AGBL1: variants seen among roughly 807,000 people sequenced by gnomAD.
AGBL1 encodes AGBL carboxypeptidase 1, also known as cytosolic carboxypeptidase 4.
A neutral mutation model predicts 118.9 loss-of-function variants in AGBL1; 130 were observed. The ratio of observed to expected loss-of-function variants is 1.09; its 90% CI spans 0.95 to 1.26. The LOEUF is 1.26. Among genes scored for constraint, AGBL1 ranks in the 50% most tolerant of loss-of-function variants. The pLI, the probability that AGBL1 is intolerant of heterozygous loss-of-function variation, is 0.00. For missense variants in AGBL1, 1,584 were observed against 1,298.1 expected (o/e 1.22, Z -3.38); for synonymous variants, 555 against 478.9 (o/e 1.16, Z -2.08).
chr15:86,754,038 T>A (rs2077897114), intron 22 of AGBL1, among the ~76,000 whole-genome samples: 1 of 152,066 alleles, frequency 6.6e-6, no homozygotes, highest in Non-Finnish European at 1.5e-5. Context: ...GAAACTTGAG[T>A]CAAAGACTTG....
intron 23 of AGBL1, among the ~76,000 whole-genome samples, chr15:86,921,526 C>T (rs2080481743): frequency 6.6e-6 from 1 of 152,192 alleles, no homozygotes; most frequent in Non-Finnish European, 1.5e-5. Context: ...TCAGGTTGCT[C>T]ACTTACTTCT....
chr15:87,012,179 A>G (rs2081566680), intron 24 of AGBL1, among the ~76,000 whole-genome samples: 1 of 141,860 alleles, frequency 7.0e-6, no homozygotes, highest in Non-Finnish European at 1.5e-5. Context: ...TTTTCTTTGT[A>G]TATACAAATT....
intron 17 of AGBL1, among the ~76,000 whole-genome samples, chr15:86,306,420 T>A (rs1362979337): frequency 3.3e-5 from 5 of 152,208 alleles, no homozygotes; most frequent in African/African-American, 4.8e-5. Context: ...AATATTTGTC[T>A]TTCTGTGTCT....
At chr15:86,310,040 C>T (rs974528703) in intron 17 of AGBL1, among the ~76,000 whole-genome samples, 7 of 152,232 alleles carry the variant, frequency 4.6e-5, no homozygotes, top group Admixed American at 6.5e-5. Context: ...AATTTACCAG[C>T]GAAGCCATCA....
At chr15:86,646,431 T>C (rs1241616067) in intron 21 of AGBL1, among the ~76,000 whole-genome samples, 3 of 152,218 alleles carry the variant, frequency 2.0e-5, no homozygotes, top group Non-Finnish European at 4.4e-5. Context: ...CCTCTTCTCA[T>C]AGAAAAGGTT....
intron 23 of AGBL1, among the ~76,000 whole-genome samples, chr15:86,969,137 T>C (rs2141699991): frequency 6.6e-6 from 1 of 152,114 alleles, no homozygotes; most frequent in Admixed American, 6.6e-5. Flanking sequence ...TATTCACTTG[T>C]TCTAGCATCA....
chr15:86,941,632 G>A (rs1420238669), intron 23 of AGBL1, among the ~76,000 whole-genome samples: 1 of 152,196 alleles, frequency 6.6e-6, no homozygotes, highest in East Asian at 1.9e-4. Context: ...AGATCTTGCT[G>A]GAAATAGGCC....
At chr15:86,606,358 G>T (rs76234863) in intron 21 of AGBL1, among the ~76,000 whole-genome samples, 4,069 of 152,120 alleles carry the variant, frequency 0.027, 104 homozygotes, top group East Asian at 0.13. Context: ...AGAGTTTTCT[G>T]CGTGAGATTA....
chr15:86,801,968 A>G (rs2078656337), intron 22 of AGBL1, among the ~76,000 whole-genome samples: 1 of 152,154 alleles, frequency 6.6e-6, no homozygotes, highest in Admixed American at 6.6e-5. Flanking sequence ...CAACTTATGG[A>G]TGCTATTATA....
chr15:86,491,894 G>A (rs1468491905), intron 18 of AGBL1, among the ~76,000 whole-genome samples: 2 of 151,904 alleles, frequency 1.3e-5, no homozygotes, highest in African/African-American at 4.8e-5. Flanking sequence ...GTGAAAGAAT[G>A]GGAGTACAGA....
chr15:86,735,826 G>A (rs926421545), intron 22 of AGBL1, among the ~76,000 whole-genome samples: 3 of 152,066 alleles, frequency 2.0e-5, no homozygotes, highest in East Asian at 1.9e-4. Flanking sequence ...TGTAGCAAGC[G>A]CTCTGTAAAC....
At chr15:86,832,025 T>C (rs2079111568) in intron 22 of AGBL1, among the ~76,000 whole-genome samples, 1 of 152,250 alleles carries the variant, frequency 6.6e-6, no homozygotes, top group Admixed American at 6.5e-5. Flanking sequence ...CTGCCAAGGC[T>C]TGGGGCTTGC....
At chr15:86,191,608 A>G (rs1216583468) in intron 5 of AGBL1, among the ~76,000 whole-genome samples, 2 of 152,050 alleles carry the variant, frequency 1.3e-5, no homozygotes, top group African/African-American at 2.4e-5. Context: ...ATAGAAAGAG[A>G]GAGAATGCCA....
intron 22 of AGBL1, among the ~76,000 whole-genome samples, chr15:86,872,195 G>A (rs553883856): frequency 3.8e-4 from 58 of 152,284 alleles, no homozygotes; most frequent in African/African-American, 1.2e-3. Context: ...AGAGCTTGTC[G>A]CATAAATCAC....
At chr15:86,377,812 T>C (rs895802913) in intron 17 of AGBL1, among the ~76,000 whole-genome samples, 1 of 152,188 alleles carries the variant, frequency 6.6e-6, no homozygotes, top group Non-Finnish European at 1.5e-5. Context: ...TTGGAGGTCA[T>C]CTTTGATTTC....
At chr15:87,003,317 A>C (rs2081460856) in intron 24 of AGBL1, among the ~76,000 whole-genome samples, 1 of 151,832 alleles carries the variant, frequency 6.6e-6, no homozygotes, top group South Asian at 2.1e-4. Context: ...CTTGCATCCC[A>C]GGGATGAAGC....
chr15:86,745,253 C>G (rs1251945778), intron 22 of AGBL1, among the ~76,000 whole-genome samples: 1 of 152,034 alleles, frequency 6.6e-6, no homozygotes, highest in African/African-American at 2.4e-5. Flanking sequence ...TGTGCCCAAT[C>G]TTTCTGAATA....
chr15:86,372,810 G>A (rs1254097569), intron 17 of AGBL1, among the ~76,000 whole-genome samples: 3 of 152,188 alleles, frequency 2.0e-5, no homozygotes, highest in Admixed American at 6.5e-5. Context: ...CAAGGGGTAG[G>A]GCCTATAGGG....
intron 18 of AGBL1, 101 bp from the exon 19 acceptor site, chr15:86,522,708 GT>G: frequency 1.4e-6 from 2 of 1,411,066 alleles, no homozygotes; most frequent in Non-Finnish European, 1.9e-6. Context: ...TCAGAGGAAA[GT>G]TTTGAAGTCA....
Sources: gnomAD v4.1 joint callset for allele counts (sites outside exome capture counted in the v4.1 genomes callset) on GRCh38, gnomAD v4.1.1 for gene constraint, MANE v1.5 for transcripts, NCBI Gene and HGNC (gene_info 2026-07-23, HGNC 2026-07-21) for gene names.